Variants in GPR137B observed in about 807,000 individuals in gnomAD.
GPR137B encodes integral membrane protein GPR137B.
In GPR137B, 42 loss-of-function variants were observed where a neutral mutation model predicts 42.5. That is an observed-to-expected ratio of 0.99 (90% confidence interval 0.77 to 1.28). The LOEUF is 1.28. GPR137B is among the 50% of genes most tolerant of loss of function. The pLI is 0.00. For synonymous variants in GPR137B, 218 were observed against 209.7 expected (o/e 1.04, Z -0.34); for missense variants, 487 against 493.9 (o/e 0.99, Z 0.13).
rs74150320 is a variant in GPR137B, at chr1:236,205,399, T to C, written c.1091+149T>C. 5,215 of 648,672 alleles carry C rather than the reference T, an allele frequency of 8.0e-3. 160 individuals are homozygous for C. Among genetic ancestry groups the C allele is most frequent in the African/African-American group, 0.07 (3,901 of 55,968 alleles). 40.2% of individuals were successfully genotyped at this position (648,672 alleles called of 1,614,324 possible). ...GATTCTCAGTAGATCATTTTACTTA[T>C]GTGAAACATTCAGGAATGAGAAAGG... On this transcript the variant is annotated intron_variant, in intron 6 of 6. Transcript: ENST00000366592.
At chr1:236,168,354 C>A (rs1662426110) in intron 1 of GPR137B, among the ~76,000 whole-genome samples, 1 of 148,332 alleles carries the variant, frequency 6.7e-6, no homozygotes, top group Non-Finnish European at 1.5e-5. Flanking sequence ...ACCCGGGAGG[C>A]AGAGGTTGCA....
chr1:236,152,826 G>A (rs12401814), intron 1 of GPR137B, among the ~76,000 whole-genome samples: 1 of 151,986 alleles, frequency 6.6e-6, no homozygotes, highest in Admixed American at 6.6e-5. Flanking sequence ...GGGAGGCTGA[G>A]GTGGGTGGAT....
intron 5 of GPR137B, among the ~76,000 whole-genome samples, chr1:236,185,460 C>T (rs1456930604): frequency 6.6e-6 from 1 of 152,104 alleles, no homozygotes; most frequent in East Asian, 1.9e-4. Flanking sequence ...TGTTGGAGAC[C>T]CAGACCAGAA....
chr1:236,179,465 A>C (rs1252705455), intron 3 of GPR137B, among the ~76,000 whole-genome samples: 3 of 152,054 alleles, frequency 2.0e-5, no homozygotes, highest in Non-Finnish European at 4.4e-5. Flanking sequence ...GCTCTGCCCC[A>C]GCCATTGTCC....
chr1:236,170,895 A>G (rs576998376), intron 2 of GPR137B, among the ~76,000 whole-genome samples: 4 of 151,852 alleles, frequency 2.6e-5, no homozygotes, highest in Admixed American at 6.6e-5. Flanking sequence ...AGAATCGCTT[A>G]AGCCTAAGGG....
intron 1 of GPR137B, among the ~76,000 whole-genome samples, chr1:236,154,803 A>G (rs1661969417): frequency 6.6e-6 from 1 of 152,206 alleles, no homozygotes; most frequent in Non-Finnish European, 1.5e-5. Context: ...TCAGGGCACG[A>G]TGGTACGACA....
Position 236,205,172 on chromosome 1 carries a change from ATTTC to A in GPR137B, c.1017_1020del (p.Phe339LeufsTer64), listed in dbSNP as rs781585840. ...AGCCATGGATTCAGTCCCAGATCTT[ATTTC>A]TTTGACAACCCTCGAAGATATGACA... On this transcript the variant is annotated frameshift_variant, in exon 6 of 7. Coordinates refer to ENST00000366592, the MANE Select transcript of GPR137B (RefSeq NM_003272.4). LOFTEE classifies it high-confidence loss of function. 3.3e-5 allele frequency: 54 copies of A among 1,613,128 alleles called. No individual in the cohort carries two copies. Among genetic ancestry groups the A allele is most frequent in the Non-Finnish European group, 4.3e-5 (51 of 1,179,244 alleles).
chr1:236,151,418 A>ATTTTTTT (rs60574023), intron 1 of GPR137B, among the ~76,000 whole-genome samples: 3 of 72,368 alleles, frequency 4.1e-5, no homozygotes, highest in African/African-American at 8.1e-5. Context: ...TTGCATATTC[A>ATTTTTTT]TTTTTTTTTT....
At chr1:236,151,359 A>G (rs1661854990) in intron 1 of GPR137B, among the ~76,000 whole-genome samples, 1 of 151,948 alleles carries the variant, frequency 6.6e-6, no homozygotes, top group South Asian at 2.1e-4. Flanking sequence ...GATTACCTCA[A>G]GCTTATGTGG....
chr1:236,203,142 A>G (rs1339626301), intron 5 of GPR137B, among the ~76,000 whole-genome samples: 1 of 151,964 alleles, frequency 6.6e-6, no homozygotes, highest in Non-Finnish European at 1.5e-5. Context: ...CAATGGCGTG[A>G]TCTCGGCTCA....
rs138046794 is a variant in GPR137B at position 236,173,846 on chromosome 1, T to A, written c.465-4568T>A. Among the ~76,000 whole-genome samples, 6 of 152,318 alleles carry A rather than the reference T, an allele frequency of 3.9e-5. No individual in the cohort carries two copies. In the East Asian group the frequency reaches 1.2e-3, roughly 29 times the overall value. Reference sequence around the variant, plus strand: ...CGCCACACCTCCAGATCGCTCCCTTTCTACCACAGCTGCAGGCATAGAGGG... The same window carrying A: ...CGCCACACCTCCAGATCGCTCCCTTACTACCACAGCTGCAGGCATAGAGGG... On this transcript the variant is annotated intron_variant, in intron 2 of 6. Coordinates refer to ENST00000366592, the MANE Select transcript of GPR137B (RefSeq NM_003272.4).
At chr1:236,197,574 A>T (rs1378854719) in intron 5 of GPR137B, among the ~76,000 whole-genome samples, 1 of 152,158 alleles carries the variant, frequency 6.6e-6, no homozygotes, top group Non-Finnish European at 1.5e-5. Flanking sequence ...ACGGTGAGAG[A>T]TGAGGATCCA....
intron 1 of GPR137B, among the ~76,000 whole-genome samples, chr1:236,154,268 G>A (rs1661949731): frequency 6.9e-6 from 1 of 144,982 alleles, no homozygotes; most frequent in African/African-American, 2.7e-5. Flanking sequence ...CATGAGGATG[G>A]AAGGGTGGTG....
intron 1 of GPR137B, among the ~76,000 whole-genome samples, chr1:236,159,118 C>T (rs1200955143): frequency 6.6e-6 from 1 of 152,100 alleles, no homozygotes; most frequent in Non-Finnish European, 1.5e-5. Flanking sequence ...CAAGACCAGC[C>T]TGGGCAATGT....
intron 1 of GPR137B, among the ~76,000 whole-genome samples, chr1:236,162,345 G>A (rs897139639): frequency 2.6e-5 from 4 of 152,136 alleles, no homozygotes; most frequent in African/African-American, 4.8e-5. Flanking sequence ...TTTTAAAAGG[G>A]AAACAGAACA....
chr1:236,176,178 T>A (rs1662679310), intron 2 of GPR137B, among the ~76,000 whole-genome samples: 1 of 151,438 alleles, frequency 6.6e-6, no homozygotes. Context: ...CATGAGAGAG[T>A]GAGGGGCCTT....
intron 1 of GPR137B, among the ~76,000 whole-genome samples, chr1:236,162,264 G>A (rs939502584): frequency 2.3e-4 from 35 of 152,268 alleles, no homozygotes; most frequent in African/African-American, 8.2e-4. Context: ...ATGATTTAGG[G>A]TATCTGGCAG....
At chr1:236,202,916 C>T (rs530858886) in intron 5 of GPR137B, among the ~76,000 whole-genome samples, 2 of 152,256 alleles carry the variant, frequency 1.3e-5, no homozygotes, top group Admixed American at 1.3e-4. Context: ...TAGTTTCATT[C>T]TTCTGCATAT....
chr1:236,208,045 T>TTAAG lies in GPR137B; in HGVS notation c.1092-3_1092dup. The TTAAG allele has an allele frequency of 6.2e-7, 1 of 1,606,556 alleles. No homozygotes were observed. Among genetic ancestry groups the TTAAG allele is most frequent in the East Asian group, 2.2e-5 (1 of 44,812 alleles). ...AAGTCACTGAAATATTTTTTTCTTTTTAAGTTTTGCTCCAGATTACTATGA... is the reference window on the plus strand; with the variant it reads ...AAGTCACTGAAATATTTTTTTCTTTTTAAGTAAGTTTTGCTCCAGATTACTATGA... On this transcript the variant is annotated splice_polypyrimidine_tract_variant and splice_region_variant and intron_variant, in intron 6 of 6. Transcript: ENST00000366592.
Sources: allele counts gnomAD v4.1 joint callset (sites outside exome capture counted in the v4.1 genomes callset), GRCh38; gene constraint gnomAD v4.1.1; transcripts MANE v1.5; gene names NCBI Gene and HGNC (gene_info 2026-07-23, HGNC 2026-07-21).